EMID1: variants seen among roughly 807,000 people sequenced by gnomAD.
EMID1 encodes the protein EMI domain containing 1, also known as EMI domain-containing protein 1.
EMID1 carries 40 observed loss-of-function variants against 60.6 expected under a neutral mutation model. That is an observed-to-expected ratio of 0.66 (90% CI 0.51 to 0.86). The LOEUF (loss-of-function observed/expected upper bound fraction) is 0.86. Ranked by LOEUF, EMID1 falls within the 40% of genes least tolerant of loss-of-function variation. The probability of loss-of-function intolerance (pLI) is 0.00; values close to 1 mark genes in which losing one functional copy is unlikely to be tolerated. For missense variants in EMID1, 585 were observed against 597.1 expected, an observed-to-expected ratio of 0.98 and a Z score of 0.21; for synonymous variants, 242 against 231.0, an observed-to-expected ratio of 1.05 and a Z score of -0.43.
rs148833136 is a variant in EMID1 at position 29,245,080 on chromosome 22, G to A, written c.1119+1591G>A. Among the ~76,000 whole-genome samples the A allele has an allele frequency of 2.8e-3, 433 of 152,164 alleles. 2 individuals are homozygous for A. Among genetic ancestry groups the A allele is most frequent in the African/African-American group, 9.5e-3 (393 of 41,500 alleles). ...GCCGTGGGAGCCCCCTACCCTGCAC[G>A]AGTCTTCCCCTGTGTCTGCCCATGA... On this transcript the variant is annotated intron_variant, in intron 13 of 14. Transcript: ENST00000334018.
intron 1 of EMID1, among the ~76,000 whole-genome samples, chr22:29,206,728 C>T (rs538940955): frequency 1.3e-5 from 2 of 152,062 alleles, no homozygotes; most frequent in Non-Finnish European, 1.5e-5. Context: ...CTGGCCTTTA[C>T]GGAGGAGCTC....
At chr22:29,224,238 C>T (rs188781414) in intron 3 of EMID1, among the ~76,000 whole-genome samples, 8 of 152,324 alleles carry the variant, frequency 5.3e-5, no homozygotes, top group African/African-American at 1.4e-4. Context: ...CCCACAGCCC[C>T]GCTCCGAGCT....
At chr22:29,213,666 G>T (rs1203380541) in intron 1 of EMID1, among the ~76,000 whole-genome samples, 1 of 152,158 alleles carries the variant, frequency 6.6e-6, no homozygotes, top group East Asian at 1.9e-4. Flanking sequence ...CCTGCACAGG[G>T]TCACGGGCCC....
At position 29,258,911 on chromosome 22, in the gene EMID1, C is replaced by T. The variant is rs370165301; in HGVS notation, c.1299C>T (p.Ile433=). Residue 433 remains isoleucine (I), a synonymous_variant, in exon 15 of 15, where the codon ATC becomes ATT. Transcript: ENST00000334018. ...GCGGACATGCAACCAACTACCGGAT[C>T]GTGGCCCCCAGGAGCCGGGACGAGA... ...KRGGHATNYR[I]VAPRSRDERG is the part of the protein sequence containing the mutation. 2.2e-5 allele frequency: 36 copies of T among 1,613,216 alleles called. No homozygotes were observed. The highest frequency in any genetic ancestry group is 2.7e-5 in the African/African-American group (2 of 74,916).
In EMID1 at chr22:29,258,997, A is replaced by G; in HGVS notation, c.*53A>G. 1.3e-6 allele frequency: 2 copies of G among 1,576,560 alleles called. No individual in the cohort carries two copies. Among genetic ancestry groups the G allele is most frequent in the Non-Finnish European group, 1.7e-6 (2 of 1,163,644 alleles). ...AGGCCAGGCTTCCCCTCCTACCTGGACTCGGCCAGCTGCCTCCAGGGACCG... is the reference window on the plus strand; with the variant it reads ...AGGCCAGGCTTCCCCTCCTACCTGGGCTCGGCCAGCTGCCTCCAGGGACCG... On this transcript the variant is annotated 3_prime_UTR_variant, in exon 15 of 15. Coordinates refer to ENST00000334018, the MANE Select transcript of EMID1 (RefSeq NM_133455.4).
intron 6 of EMID1, 49 bp from the exon 7 acceptor site, chr22:29,231,544 G>C (rs908393305): frequency 2.0e-6 from 3 of 1,538,162 alleles, no homozygotes. Flanking sequence ...CCAGGGTGGG[G>C]GTCAAGAGCA....
chr22:29,235,226 T>C (rs2040900364), intron 12 of EMID1, among the ~76,000 whole-genome samples: 1 of 151,824 alleles, frequency 6.6e-6, no homozygotes, highest in African/African-American at 2.4e-5. Context: ...TAGGCACCTG[T>C]AATCCCAGCT....
intron 3 of EMID1, among the ~76,000 whole-genome samples, chr22:29,220,824 G>A (rs1020446284): frequency 2.6e-5 from 4 of 152,134 alleles, no homozygotes; most frequent in African/African-American, 4.8e-5. Context: ...GGGGCACAAA[G>A]CTTCTTAGCT....
rs776766869 is a variant in EMID1, at chr22:29,254,194, C to T, written c.1120-9C>T. On this transcript the variant is annotated splice_polypyrimidine_tract_variant and intron_variant, in intron 13 of 14. Coordinates refer to ENST00000334018, the MANE Select transcript of EMID1 (RefSeq NM_133455.4). ...CCTTCACGGCTGCATCTGTCTCTTT[C>T]CTCCACAGGGGGAGGGGTTGCACCA... 6.8e-6 allele frequency: 11 copies of T among 1,613,762 alleles called. No homozygotes were observed. Among genetic ancestry groups the T allele is most frequent in the Admixed American group, 3.3e-5 (2 of 59,996 alleles).
intron 5 of EMID1, among the ~76,000 whole-genome samples, chr22:29,227,909 A>C (rs1434480501): frequency 6.6e-6 from 1 of 151,938 alleles, no homozygotes; most frequent in Non-Finnish European, 1.5e-5. Flanking sequence ...TAATCACAGC[A>C]CTTTGGGAGG....
chr22:29,243,552 T>G (rs372380073), intron 13 of EMID1, 63 bp downstream of exon 13: 12 of 1,599,394 alleles, frequency 7.5e-6, no homozygotes, highest in Non-Finnish European at 1.0e-5. Context: ...CAAGAGAGTA[T>G]TCCCTCCCCA....
rs2041744912 is a variant in EMID1, at chr22:29,257,504, A to AG, written c.1205-1309dup. 3.3e-5 allele frequency among the ~76,000 whole-genome samples: 5 copies of AG among 152,158 alleles called. No homozygotes were observed. The South Asian group carries it at 1.0e-3, about 32-fold the overall frequency. On this transcript the variant is annotated intron_variant, in intron 14 of 14. Coordinates refer to ENST00000334018, the MANE Select transcript of EMID1 (RefSeq NM_133455.4). ...TCACAGGAATGGGAATGGTCAGGCTAGGGGTCCACCTCAGGTCTCCCCTCT... is the reference window on the plus strand; with the variant it reads ...TCACAGGAATGGGAATGGTCAGGCTAGGGGGTCCACCTCAGGTCTCCCCTCT...
chr22:29,210,536 A>G (rs2039844444), intron 1 of EMID1, among the ~76,000 whole-genome samples: 1 of 151,374 alleles, frequency 6.6e-6, no homozygotes, highest in African/African-American at 2.4e-5. Flanking sequence ...GCGCCCGGCC[A>G]ACAATTTTTT....
intron 5 of EMID1, among the ~76,000 whole-genome samples, chr22:29,227,362 T>A (rs972733042): frequency 6.6e-6 from 1 of 152,026 alleles, no homozygotes; most frequent in Non-Finnish European, 1.5e-5. Flanking sequence ...AGTGCTGGGA[T>A]TACAGGTGTG....
intron 8 of EMID1, chr22:29,233,005 T>C (rs757503629): frequency 1.5e-5 from 4 of 268,226 alleles, no homozygotes; most frequent in African/African-American, 2.2e-5. Context: ...ATGGGGACAA[T>C]GACAGTGCCA....
intron 12 of EMID1, among the ~76,000 whole-genome samples, chr22:29,238,594 T>C (rs1325872226): frequency 7.0e-6 from 1 of 143,750 alleles, no homozygotes; most frequent in Non-Finnish European, 1.5e-5. Context: ...ATTTTTTGTA[T>C]TTTTAGTAGA....
chr22:29,208,613 T>G (rs578231766), intron 1 of EMID1, among the ~76,000 whole-genome samples: 2 of 152,316 alleles, frequency 1.3e-5, no homozygotes, highest in African/African-American at 4.8e-5. Flanking sequence ...TGCCCCAGCC[T>G]CTGTCTAGGG....
intron 14 of EMID1, chr22:29,254,838 G>C: frequency 6.0e-6 from 1 of 167,300 alleles, no homozygotes. Flanking sequence ...GACTGTGGGT[G>C]ACAGAGCTAG....
In EMID1 at chr22:29,225,188, G is replaced by T. The variant is rs1199313282; in HGVS notation, c.375G>T (p.Arg125=). 6.2e-7 allele frequency: 1 copy of T among 1,613,816 alleles called. No homozygotes were observed. Among genetic ancestry groups the T allele is most frequent in the Non-Finnish European group, 8.5e-7 (1 of 1,180,024 alleles). The change falls in exon 4 of 15, where the codon CGG becomes CGT. Residue 125 remains arginine (R), a synonymous_variant. Coordinates refer to ENST00000334018, the MANE Select transcript of EMID1 (RefSeq NM_133455.4). The part of the protein sequence containing the change: ...EPMWSGSTMR[R]MALRPTAFSG... ...TGTGGTCGGGCAGTACCATGCGGCG[G>T]ATGGCGCTTCGGCCCACAGCCTTCT... is the stretch of plus-strand genomic sequence containing the variant.
Sources: allele counts gnomAD v4.1 joint callset (sites outside exome capture counted in the v4.1 genomes callset), GRCh38; gene constraint gnomAD v4.1.1; transcripts MANE v1.5; gene names NCBI Gene and HGNC (gene_info 2026-07-23, HGNC 2026-07-21).